Variants in EPS8 observed in about 807,000 individuals in gnomAD.
EPS8 encodes epidermal growth factor receptor kinase substrate 8.
A neutral mutation model predicts 103.8 loss-of-function variants in EPS8; 42 were observed. The observed-to-expected ratio is 0.40, with a 90% CI of 0.32 to 0.52. The LOEUF is 0.52. Among genes scored for constraint, EPS8 ranks in the 20% least tolerant of loss-of-function variants. EPS8 has a pLI of 0.40. For missense variants in EPS8, 969 were observed against 1,005.1 expected (o/e 0.96, Z 0.49); for synonymous variants, 344 against 344.6 (o/e 1.00, Z 0.02).
intron 3 of EPS8, 81 bp downstream of exon 3, chr12:15,681,145 G>C (rs895017822): frequency 3.4e-6 from 2 of 584,012 alleles, no homozygotes; most frequent in Non-Finnish European, 5.9e-6. Context: ...AAATGTGTGG[G>C]TTCAAACCAT....
Position 15,661,963 on chromosome 12 carries a change from A to C in EPS8, c.810+63T>G. 3 of 1,191,974 alleles carry C rather than the reference A, an allele frequency of 2.5e-6. No homozygotes were observed. The South Asian group carries it at 4.0e-5, about 16-fold the overall frequency. 73.8% of individuals were successfully genotyped at this position (1,191,974 alleles called of 1,614,324 possible). The stretch of plus-strand genomic sequence containing the variant: ...CTATTTAAATCAGCTTCATTTTCTT[A>C]TGAAGTTTTCTTTTTCCTCTTAAAA... On this transcript the variant is annotated intron_variant, in intron 9 of 20. Coordinates refer to ENST00000281172, the MANE Select transcript of EPS8 (RefSeq NM_004447.6).
intron 8 of EPS8, among the ~76,000 whole-genome samples, chr12:15,663,950 T>A (rs1393186039): frequency 2.6e-4 from 16 of 61,738 alleles, no homozygotes; most frequent in African/African-American, 1.1e-3. Flanking sequence ...AAAAAAATAA[T>A]ATATATATAT....
At chr12:15,765,895 C>T (rs1947089678) in intron 1 of EPS8, among the ~76,000 whole-genome samples, 1 of 148,664 alleles carries the variant, frequency 6.7e-6, no homozygotes, top group Admixed American at 6.8e-5. Context: ...CTCACTGCAA[C>T]CTCTGCCTCC....
At chr12:15,707,768 T>C (rs549474215) in intron 1 of EPS8, among the ~76,000 whole-genome samples, 1 of 152,220 alleles carries the variant, frequency 6.6e-6, no homozygotes, top group Non-Finnish European at 1.5e-5. Context: ...TACCACAGAG[T>C]TACAAGTCCC....
intron 1 of EPS8, among the ~76,000 whole-genome samples, chr12:15,723,572 T>C (rs1375780844): frequency 6.6e-6 from 1 of 152,190 alleles, no homozygotes; most frequent in Non-Finnish European, 1.5e-5. Context: ...CTTGGATTTA[T>C]GTTTTCACTG....
intron 1 of EPS8, among the ~76,000 whole-genome samples, chr12:15,708,521 A>G (rs1216359475): frequency 1.3e-5 from 2 of 152,230 alleles, no homozygotes; most frequent in Non-Finnish European, 2.9e-5. Flanking sequence ...AATATGGCTC[A>G]TAACATGTGG....
chr12:15,646,801 G>C (rs183684399), intron 15 of EPS8, among the ~76,000 whole-genome samples: 1 of 152,192 alleles, frequency 6.6e-6, no homozygotes, highest in Admixed American at 6.5e-5. Flanking sequence ...GAACTGGAAG[G>C]ATCCTCAGAG....
chr12:15,715,735 G>A (rs1946526036), intron 1 of EPS8, among the ~76,000 whole-genome samples: 1 of 151,702 alleles, frequency 6.6e-6, no homozygotes, highest in Non-Finnish European at 1.5e-5. Context: ...GTGATCTGCT[G>A]GCCTCGGCCT....
At position 15,714,231 on chromosome 12, in the gene EPS8, G is replaced by T. The variant is rs1946502969; in HGVS notation, c.-21-31259C>A. Reference sequence around the variant, plus strand: ...GTGCTCAACTGATTTTTAATATGAAGACACCAAAAAAGTATATTTAAATTA... The same window carrying T: ...GTGCTCAACTGATTTTTAATATGAATACACCAAAAAAGTATATTTAAATTA... On this transcript the variant is annotated intron_variant, in intron 1 of 20. Coordinates refer to ENST00000281172, the MANE Select transcript of EPS8 (RefSeq NM_004447.6). The surrounding 1 kb of genome is among the most constrained non-coding windows in gnomAD (Gnocchi z 4.1). 2.0e-5 allele frequency among the ~76,000 whole-genome samples: 3 copies of T among 151,642 alleles called. No homozygotes were observed. The South Asian group carries it at 6.2e-4, about 31-fold the overall frequency.
intron 14 of EPS8, among the ~76,000 whole-genome samples, chr12:15,648,450 G>C (rs1159056201): frequency 6.6e-6 from 1 of 152,024 alleles, no homozygotes; most frequent in East Asian, 1.9e-4. Context: ...TCAGGAGGAG[G>C]GCTGAGTTTA....
intron 1 of EPS8, among the ~76,000 whole-genome samples, chr12:15,763,216 T>C (rs966581811): frequency 1.3e-5 from 2 of 152,150 alleles, no homozygotes; most frequent in African/African-American, 4.8e-5. Flanking sequence ...TAATCATACC[T>C]GGATAGGAGG....
At chr12:15,750,230 C>G (rs1400180626) in intron 1 of EPS8, among the ~76,000 whole-genome samples, 1 of 152,182 alleles carries the variant, frequency 6.6e-6, no homozygotes, top group Non-Finnish European at 1.5e-5. Context: ...CCCTGACAAG[C>G]AAGCTTGGCT....
chr12:15,624,421 G>A lies in EPS8; in HGVS notation c.2045-14C>T, dbSNP rs1389924817. ...GAGATTTCCTTCCTAGACACCAACA[G>A]GGAGTAGGTTCTTTTTGAAAATCCC... On this transcript the variant is annotated splice_polypyrimidine_tract_variant and intron_variant, in intron 18 of 20. Coordinates refer to ENST00000281172, the MANE Select transcript of EPS8 (RefSeq NM_004447.6). 2.0e-6 allele frequency: 3 copies of A among 1,535,674 alleles called. No homozygotes were observed. The South Asian group carries it at 3.8e-5, about 20-fold the overall frequency.
intron 1 of EPS8, among the ~76,000 whole-genome samples, chr12:15,726,513 C>A (rs895043694): frequency 1.3e-5 from 2 of 152,010 alleles, no homozygotes; most frequent in African/African-American, 2.4e-5. Flanking sequence ...AAAAAATGGT[C>A]AAGGGAGGGG....
chr12:15,720,868 A>G (rs574196063), intron 1 of EPS8, among the ~76,000 whole-genome samples: 2 of 152,226 alleles, frequency 1.3e-5, no homozygotes, highest in South Asian at 2.1e-4. Flanking sequence ...TTTATCTACC[A>G]CTTGCTCAGA....
intron 17 of EPS8, among the ~76,000 whole-genome samples, chr12:15,637,563 C>A (rs1207581911): frequency 1.3e-5 from 2 of 152,230 alleles, no homozygotes; most frequent in Admixed American, 6.5e-5. Flanking sequence ...AGCATGAGCA[C>A]TGGCCACGGG....
chr12:15,730,761 ATCTATACTTCCTT>A (rs1461310401), intron 1 of EPS8, among the ~76,000 whole-genome samples: 2 of 152,172 alleles, frequency 1.3e-5, no homozygotes, highest in Admixed American at 6.5e-5. Context: ...ACCGCTGCTC[ATCTATACTTCCTT>A]TCTTGTTGGT....
In EPS8 at chr12:15,696,556, G is replaced by A. The variant is rs1440242030; in HGVS notation, c.-21-13584C>T. 6.6e-6 allele frequency among the ~76,000 whole-genome samples: 1 copy of A among 151,898 alleles called. No homozygotes were observed. Among genetic ancestry groups the A allele is most frequent in the African/African-American group, 2.4e-5 (1 of 41,324 alleles). On this transcript the variant is annotated intron_variant, in intron 1 of 20. Coordinates refer to ENST00000281172, the MANE Select transcript of EPS8 (RefSeq NM_004447.6). The surrounding 1 kb of genome is among the most constrained non-coding windows in gnomAD (Gnocchi z 4.8). ...CTCGGGAGGCTAAGGCAGAAGAATT[G>A]CTTGAACCCAGGAGGCGGAGGTTGC...
intron 6 of EPS8, 104 bp downstream of exon 6, chr12:15,669,282 TA>T: frequency 1.0e-6 from 1 of 1,003,868 alleles, no homozygotes; most frequent in Non-Finnish European, 1.4e-6. Flanking sequence ...GCTCAGAAAC[TA>T]AAAATCTAGT....
Sources: gnomAD v4.1 joint callset for allele counts (sites outside exome capture counted in the v4.1 genomes callset) on GRCh38, gnomAD v4.1.1 for gene constraint, Gnocchi (gnomAD v3.1) non-coding constraint, MANE v1.5 for transcripts, NCBI Gene and HGNC (gene_info 2026-07-23, HGNC 2026-07-21) for gene names.